Variants in OTUD7A observed in about 807,000 individuals in gnomAD.
The protein encoded by OTUD7A is OTU domain-containing protein 7A.
OTUD7A carries 12 observed loss-of-function variants against 65.7 expected under a neutral mutation model. The observed-to-expected ratio is 0.18, with a 90% CI of 0.12 to 0.30. OTUD7A has a LOEUF of 0.30. Ranked by LOEUF, OTUD7A falls within the 10% of genes least tolerant of loss-of-function variation. The pLI, the probability that OTUD7A is intolerant of heterozygous loss-of-function variation, is 1.00. For missense variants in OTUD7A, 1,148 were observed against 1,304.8 expected (o/e 0.88, Z 1.85); for synonymous variants, 641 against 586.3 (o/e 1.09, Z -1.35).
intron 5 of OTUD7A, among the ~76,000 whole-genome samples, chr15:31,532,768 A>C (rs1342999198): frequency 6.6e-6 from 1 of 151,938 alleles, no homozygotes; most frequent in Non-Finnish European, 1.5e-5. Context: ...CCCCGTCTCT[A>C]CCAAAAATAC....
intron 10 of OTUD7A, among the ~76,000 whole-genome samples, chr15:31,493,064 G>A (rs1456952704): frequency 1.3e-5 from 2 of 151,940 alleles, no homozygotes; most frequent in Admixed American, 6.5e-5. Context: ...AAATTAGCTG[G>A]GCATGATAGT....
At chr15:31,808,416 A>G (rs891763421) in intron 1 of OTUD7A, among the ~76,000 whole-genome samples, 24 of 152,120 alleles carry the variant, frequency 1.6e-4, no homozygotes, top group African/African-American at 5.8e-4. Context: ...GAGCCGCGAC[A>G]AGCTTCTCAG....
chr15:31,665,063 TTATAG>T (rs930332493), intron 1 of OTUD7A, among the ~76,000 whole-genome samples: 6 of 152,214 alleles, frequency 3.9e-5, no homozygotes, highest in African/African-American at 1.4e-4. Context: ...GACTACGGCC[TTATAG>T]TATAGTTTGA....
intron 1 of OTUD7A, among the ~76,000 whole-genome samples, chr15:31,852,538 A>G (rs1473107363): frequency 6.6e-6 from 1 of 152,256 alleles, no homozygotes; most frequent in East Asian, 1.9e-4. Context: ...CAAATAGCTT[A>G]TAATACACAA....
At chr15:31,488,911 C>T (rs937842317) in intron 10 of OTUD7A, among the ~76,000 whole-genome samples, 3 of 152,184 alleles carry the variant, frequency 2.0e-5, no homozygotes, top group African/African-American at 4.8e-5. Context: ...ATTAATCTGG[C>T]TTGGGATTGG....
At chr15:31,856,949 C>T (rs1050951674) in intron 1 of OTUD7A, among the ~76,000 whole-genome samples, 1 of 152,198 alleles carries the variant, frequency 6.6e-6, no homozygotes, top group Non-Finnish European at 1.5e-5. Flanking sequence ...CTCTCTTTTT[C>T]CAGGTGACCT....
At chr15:31,773,075 T>C (rs1360484793) in intron 1 of OTUD7A, among the ~76,000 whole-genome samples, 1 of 152,258 alleles carries the variant, frequency 6.6e-6, no homozygotes, top group Non-Finnish European at 1.5e-5. Flanking sequence ...TCTATGTATC[T>C]GTATATATGA....
intron 1 of OTUD7A, among the ~76,000 whole-genome samples, chr15:31,868,910 T>A (rs2141025330): frequency 6.6e-6 from 1 of 152,336 alleles, no homozygotes; most frequent in Admixed American, 6.5e-5. Context: ...AGGTCCCAAC[T>A]TTTGAGTGGC....
chr15:31,839,939 T>G (rs1452863278), intron 1 of OTUD7A, among the ~76,000 whole-genome samples: 2 of 93,990 alleles, frequency 2.1e-5, no homozygotes, highest in Admixed American at 2.6e-4. Context: ...GTTGTATTAT[T>G]TACTTTAAAA....
At chr15:31,602,650 G>A (rs573675091) in intron 3 of OTUD7A, among the ~76,000 whole-genome samples, 62 of 152,308 alleles carry the variant, frequency 4.1e-4, no homozygotes, top group Admixed American at 3.7e-3. Context: ...AATAGGAAAA[G>A]AGGAAGTCAA....
chr15:31,806,586 C>A (rs531425501), intron 1 of OTUD7A, among the ~76,000 whole-genome samples: 1 of 152,298 alleles, frequency 6.6e-6, no homozygotes, highest in Admixed American at 6.5e-5. Context: ...CAACAAGGAC[C>A]CCCAATGACC....
In OTUD7A at chr15:31,481,227, A is replaced by G. The variant is rs2041113584; in HGVS notation, c.*2067T>C. ...TATGCCTCCTTGACATCTTGTGCATATGAGTTTGGTTTCTGAATGGATTAT... is the reference window on the plus strand; with the variant it reads ...TATGCCTCCTTGACATCTTGTGCATGTGAGTTTGGTTTCTGAATGGATTAT... On this transcript the variant is annotated 3_prime_UTR_variant, in exon 13 of 13. Coordinates refer to ENST00000307050, the MANE Select transcript of OTUD7A (RefSeq NM_001382637.1). 6.6e-6 allele frequency: 1 copy of G among 152,248 alleles called. No individual in the cohort carries two copies. Among genetic ancestry groups the G allele is most frequent in the South Asian group, 2.1e-4 (1 of 4,834 alleles). 9.4% of individuals were successfully genotyped at this position (152,248 alleles called of 1,614,324 possible). A position where few individuals can be genotyped will look rare whatever the true frequency, so the allele number is the denominator to read the frequency against.
intron 8 of OTUD7A, among the ~76,000 whole-genome samples, chr15:31,509,560 G>T (rs1443686080): frequency 6.6e-6 from 1 of 152,084 alleles, no homozygotes; most frequent in Non-Finnish European, 1.5e-5. Flanking sequence ...TTATAGGCAT[G>T]AGCCACCACG....
In OTUD7A at chr15:31,656,207, G is replaced by A. The variant is rs547656638; in HGVS notation, c.-5+776C>T. On this transcript the variant is annotated intron_variant, in intron 2 of 12. Coordinates refer to ENST00000307050, the MANE Select transcript of OTUD7A (RefSeq NM_001382637.1). ...GCTGACTGTAGCAGCTGACTGCTGG[G>A]GAAAAGCAACTGTGACATTACAAGT... 7.2e-5 allele frequency among the ~76,000 whole-genome samples: 11 copies of A among 152,326 alleles called. No individual in the cohort carries two copies. In the South Asian group the frequency reaches 2.3e-3, roughly 32 times the overall value.
intron 10 of OTUD7A, among the ~76,000 whole-genome samples, chr15:31,493,936 C>T (rs1289641883): frequency 6.6e-6 from 1 of 152,140 alleles, no homozygotes; most frequent in Non-Finnish European, 1.5e-5. Context: ...AAAATTTCTG[C>T]CTTAAGAAAC....
chr15:31,654,776 T>A (rs1226484655), intron 3 of OTUD7A, among the ~76,000 whole-genome samples: 1 of 152,170 alleles, frequency 6.6e-6, no homozygotes, highest in Non-Finnish European at 1.5e-5. Flanking sequence ...TTACTCCCAG[T>A]GGCTTTCCTG....
chr15:31,592,421 C>G (rs1889754358), intron 3 of OTUD7A, among the ~76,000 whole-genome samples: 1 of 151,894 alleles, frequency 6.6e-6, no homozygotes, highest in Non-Finnish European at 1.5e-5. Context: ...TAGGCCCACA[C>G]AGGGTCAGGA....
intron 1 of OTUD7A, among the ~76,000 whole-genome samples, chr15:31,749,435 CCAA>C (rs1894568224): frequency 6.6e-6 from 1 of 152,148 alleles, no homozygotes. Flanking sequence ...CCCCCATGAG[CCAA>C]CAACGCCACA....
intron 1 of OTUD7A, among the ~76,000 whole-genome samples, chr15:31,835,645 C>G (rs763444052): frequency 6.6e-6 from 1 of 152,102 alleles, no homozygotes; most frequent in Admixed American, 6.6e-5. Context: ...ATTTCACATA[C>G]GCACACACAC....
Sources: allele counts gnomAD v4.1 joint callset (sites outside exome capture counted in the v4.1 genomes callset), GRCh38; gene constraint gnomAD v4.1.1; transcripts MANE v1.5; gene names NCBI Gene and HGNC (gene_info 2026-07-23, HGNC 2026-07-21).